CERT1: variants seen among roughly 807,000 people sequenced by gnomAD.
CERT1 encodes the protein ceramide transporter 1, also known as ceramide transfer protein.
In CERT1, 31 loss-of-function variants were observed where a neutral mutation model predicts 87.9. That is an observed-to-expected ratio of 0.35 (90% CI 0.27 to 0.48). The LOEUF (loss-of-function observed/expected upper bound fraction) is 0.48. Among genes scored for constraint, CERT1 ranks in the 20% least tolerant of loss-of-function variants. CERT1 has a pLI of 0.99. For synonymous variants in CERT1, 289 were observed against 250.9 expected (o/e 1.15, Z -1.44); for missense variants, 487 against 758.0 (o/e 0.64, Z 4.20).
At chr5:75,434,184 A>AG (rs992101264) in intron 3 of CERT1, among the ~76,000 whole-genome samples, 6 of 125,902 alleles carry the variant, frequency 4.8e-5, no homozygotes, top group African/African-American at 1.9e-4. Context: ...TAGTTTGTTG[A>AG]GGTTTTTTTT....
chr5:75,392,886 C>G (rs570224633), intron 11 of CERT1, among the ~76,000 whole-genome samples: 5 of 136,680 alleles, frequency 3.7e-5, no homozygotes, highest in Non-Finnish European at 7.6e-5. Context: ...AGGAGAATAG[C>G]GTGAACCTGC....
chr5:75,458,759 C>G (rs1366612347), intron 3 of CERT1, among the ~76,000 whole-genome samples: 1 of 152,070 alleles, frequency 6.6e-6, no homozygotes, highest in Non-Finnish European at 1.5e-5. Flanking sequence ...ACCATGCTGG[C>G]CAGGCTGGTA....
rs113315575 is a variant in CERT1, at chr5:75,511,287, G to A, written c.-80C>T. The A allele has an allele frequency of 2.0e-4, 317 of 1,574,570 alleles. No individual in the cohort carries two copies. The Middle Eastern group carries it at 5.5e-3, about 27-fold the overall frequency. On this transcript the variant is annotated 5_prime_UTR_variant, in exon 1 of 17. Transcript: ENST00000643780. The stretch of plus-strand genomic sequence containing the variant: ...GGAGGCGCCCAGTCCTCGGGGTGAA[G>A]GGTCGGGGGATGGCGAAGCGAAGAG...
Position 75,379,269 on chromosome 5 carries a change from A to T in CERT1, c.*77T>A. On this transcript the variant is annotated 3_prime_UTR_variant, in exon 17 of 17. Coordinates refer to ENST00000643780, the MANE Select transcript of CERT1 (RefSeq NM_001379029.1). Reference sequence around the variant, plus strand: ...AACATAGTAAATACTTTCAACAACTAAATTTTAGTATTGACAGTCATATTA... The same window carrying T: ...AACATAGTAAATACTTTCAACAACTTAATTTTAGTATTGACAGTCATATTA... The T allele has an allele frequency of 7.8e-7, 1 of 1,280,766 alleles. No homozygotes were observed. The highest frequency in any genetic ancestry group is 1.1e-6 in the Non-Finnish European group (1 of 910,140). The allele number at this position is 1,280,766 out of a possible 1,614,324, so 79.3% of individuals were successfully genotyped here.
At chr5:75,402,876 A>C in intron 9 of CERT1, 96 bp downstream of exon 9, 1 of 705,528 alleles carries the variant, frequency 1.4e-6, no homozygotes, top group Non-Finnish European at 2.5e-6. Flanking sequence ...TTAAGTTCAC[A>C]ATGTTCAAAT....
At chr5:75,391,794 T>C (rs1054445438) in intron 11 of CERT1, among the ~76,000 whole-genome samples, 4 of 152,350 alleles carry the variant, frequency 2.6e-5, no homozygotes, top group Middle Eastern at 3.4e-3. Context: ...ATCTTAAACA[T>C]CTTTAGATTT....
chr5:75,381,013 T>C, intron 16 of CERT1, 59 bp downstream of exon 16: 3 of 1,583,134 alleles, frequency 1.9e-6, no homozygotes, highest in South Asian at 1.1e-5. Context: ...ATTGTTGTCA[T>C]ATAGGTCATG....
intron 3 of CERT1, among the ~76,000 whole-genome samples, chr5:75,451,964 G>T (rs1274198397): frequency 2.6e-5 from 4 of 151,986 alleles, no homozygotes; most frequent in Non-Finnish European, 4.4e-5. Flanking sequence ...TCAACAATGG[G>T]GTTCTCTCAG....
intron 2 of CERT1, among the ~76,000 whole-genome samples, chr5:75,462,359 A>T (rs764300647): frequency 1.3e-5 from 2 of 152,230 alleles, no homozygotes; most frequent in African/African-American, 2.4e-5. Context: ...ATCATCAGGC[A>T]TTAGATTCTC....
At chr5:75,500,581 GA>G (rs1292595871) in intron 2 of CERT1, among the ~76,000 whole-genome samples, 5 of 152,140 alleles carry the variant, frequency 3.3e-5, no homozygotes, top group Admixed American at 2.0e-4. Flanking sequence ...GCAGATCGAA[GA>G]GTCTCATTTC....
intron 2 of CERT1, among the ~76,000 whole-genome samples, chr5:75,484,456 A>G (rs1181934768): frequency 6.6e-6 from 1 of 151,048 alleles, no homozygotes; most frequent in Non-Finnish European, 1.5e-5. Flanking sequence ...GAGTGACTGA[A>G]TGGATTAAAA....
intron 3 of CERT1, 30 bp downstream of exon 3, chr5:75,459,035 C>T: frequency 7.7e-7 from 1 of 1,291,626 alleles, no homozygotes; most frequent in Non-Finnish European, 1.1e-6. Context: ...ACCTAGTCCT[C>T]CATGGACAGG....
Position 75,511,405 on chromosome 5 carries a change from G to A in CERT1, c.-198C>T. The A allele has an allele frequency of 1.3e-6, 2 of 1,545,830 alleles. No homozygotes were observed. Among genetic ancestry groups the A allele is most frequent in the Non-Finnish European group, 1.7e-6 (2 of 1,145,588 alleles). Reference sequence around the variant, plus strand: ...TGACACCGAGCGGAGCGAGGAAGGAGGACGAGCGGTGAAGGAAGCCTACCC... The same window carrying A: ...TGACACCGAGCGGAGCGAGGAAGGAAGACGAGCGGTGAAGGAAGCCTACCC... On this transcript the variant is annotated 5_prime_UTR_variant, in exon 1 of 17. Transcript: ENST00000643780.
intron 8 of CERT1, among the ~76,000 whole-genome samples, chr5:75,408,498 TCA>T (rs1561241173): frequency 6.6e-6 from 1 of 152,064 alleles, no homozygotes. Flanking sequence ...AGCCCGAACC[TCA>T]GTTTGGTCCC....
At chr5:75,374,604 G>C, downstream of CERT1, 1 of 686,576 alleles carries the variant, frequency 1.5e-6, no homozygotes, top group East Asian at 3.0e-5. Context: ...AGTGAAGGTC[G>C]CAGCAGTCAG....
rs1215930689 is a variant in CERT1, at chr5:75,378,603, A to G, written c.*743T>C. 6.6e-6 allele frequency: 1 copy of G among 152,198 alleles called. No individual in the cohort carries two copies. Among genetic ancestry groups the G allele is most frequent in the African/African-American group, 2.4e-5 (1 of 41,448 alleles). The allele number at this position is 152,198 out of a possible 1,614,324, so 9.4% of individuals were successfully genotyped here. A position where few individuals can be genotyped will look rare whatever the true frequency, so the allele number is the denominator to read the frequency against. The stretch of plus-strand genomic sequence containing the variant: ...ATGTTTTACACATCTCATGTCTTAT[A>G]AAGAAAGATAGTCAAGATACATTGT... On this transcript the variant is annotated 3_prime_UTR_variant, in exon 17 of 17. Coordinates refer to ENST00000643780, the MANE Select transcript of CERT1 (RefSeq NM_001379029.1).
chr5:75,393,842 G>A (rs1314738531), intron 11 of CERT1, among the ~76,000 whole-genome samples: 4 of 151,824 alleles, frequency 2.6e-5, no homozygotes, highest in African/African-American at 9.7e-5. Context: ...GTGCATGCCT[G>A]TAGTCCCAGA....
At chr5:75,440,438 G>A (rs777792627) in intron 3 of CERT1, among the ~76,000 whole-genome samples, 3 of 151,726 alleles carry the variant, frequency 2.0e-5, no homozygotes, top group Non-Finnish European at 2.9e-5. Context: ...AACCACCACG[G>A]GAGAGCTTTT....
At chr5:75,403,159 C>T (rs1762566217) in intron 8 of CERT1, 101 bp from the exon 9 acceptor site, 4 of 761,742 alleles carry the variant, frequency 5.3e-6, no homozygotes, top group Admixed American at 2.2e-5. Context: ...ACCTAATAAA[C>T]ATTTATTGAA....
Sources: gnomAD v4.1 joint callset for allele counts (sites outside exome capture counted in the v4.1 genomes callset) on GRCh38, gnomAD v4.1.1 for gene constraint, MANE v1.5 for transcripts, NCBI Gene and HGNC (gene_info 2026-07-23, HGNC 2026-07-21) for gene names.